Variants in ADGRL3 observed in about 807,000 individuals in gnomAD.
The protein encoded by ADGRL3 is adhesion G protein-coupled receptor L3, also known as calcium-independent alpha-latrotoxin receptor 3.
ADGRL3 carries 62 observed loss-of-function variants against 153.5 expected under a neutral mutation model. That is an observed-to-expected ratio of 0.40 (90% CI 0.33 to 0.50). The LOEUF is 0.50. Ranked by LOEUF, ADGRL3 falls within the 20% of genes least tolerant of loss-of-function variation. The pLI, the probability that ADGRL3 is intolerant of heterozygous loss-of-function variation, is 0.47. For missense variants in ADGRL3, 1,641 were observed against 1,859.4 expected (o/e 0.88, Z 2.16); for synonymous variants, 710 against 672.5 (o/e 1.06, Z -0.86).
intron 2 of ADGRL3, among the ~76,000 whole-genome samples, chr4:61,440,336 C>G (rs1289125284): frequency 1.3e-5 from 2 of 152,220 alleles, no homozygotes; most frequent in African/African-American, 4.8e-5. Context: ...GCGTGAGCCA[C>G]TGCACCCGGC....
intron 2 of ADGRL3, among the ~76,000 whole-genome samples, chr4:61,435,299 A>C (rs1275654428): frequency 6.6e-6 from 1 of 152,122 alleles, no homozygotes; most frequent in Non-Finnish European, 1.5e-5. Flanking sequence ...TAATAGAAGT[A>C]TGTAATTTTT....
chr4:61,205,889 A>G (rs1489863951), intron 1 of ADGRL3, among the ~76,000 whole-genome samples: 1 of 152,174 alleles, frequency 6.6e-6, no homozygotes, highest in Non-Finnish European at 1.5e-5. Context: ...CAAATCTTGA[A>G]TGTCATTACT....
rs796706771 is a variant in ADGRL3 at position 61,478,272 on chromosome 4, T to G, written c.-173-18849T>G. Among the ~76,000 whole-genome samples the G allele has an allele frequency of 2.4e-4, 36 of 152,196 alleles. 4 individuals carry two copies. The highest frequency in any genetic ancestry group is 8.4e-4 in the African/African-American group (35 of 41,568). On this transcript the variant is annotated intron_variant, in intron 2 of 26. Transcript: ENST00000683033. ...AATGTTAAGATATACAAGCTCACAT[T>G]GAGGTATGTGTTTGTTTAAAAGCAT...
intron 4 of ADGRL3, among the ~76,000 whole-genome samples, chr4:61,586,351 A>AT (rs1384453099): frequency 6.6e-6 from 1 of 152,042 alleles, no homozygotes; most frequent in Non-Finnish European, 1.5e-5. Context: ...ACCTTTCAGG[A>AT]TGTCCATGAG....
At chr4:61,814,000 T>C in intron 9 of ADGRL3, 111 bp downstream of exon 9, 3 of 1,352,058 alleles carry the variant, frequency 2.2e-6, no homozygotes, top group Non-Finnish European at 3.0e-6. Flanking sequence ...AAAGCAGGGG[T>C]AAAATGAAGT....
At chr4:61,709,929 T>C (rs749608392) in intron 6 of ADGRL3, among the ~76,000 whole-genome samples, 2 of 152,312 alleles carry the variant, frequency 1.3e-5, no homozygotes, top group Non-Finnish European at 1.5e-5. Context: ...GTGGGTCTCA[T>C]TGACTTTTAC....
chr4:61,251,348 A>G lies in ADGRL3; in HGVS notation c.-240+49583A>G, dbSNP rs144792931. The stretch of plus-strand genomic sequence containing the variant: ...CCATGTGACCTGGACTTCTCCCAGT[A>G]TGACAGCTGTGTTTGGAAAGGGAAC... On this transcript the variant is annotated intron_variant, in intron 1 of 26. Coordinates refer to ENST00000683033, the MANE Select transcript of ADGRL3 (RefSeq NM_001387552.1). 4.9e-4 allele frequency among the ~76,000 whole-genome samples: 74 copies of G among 152,296 alleles called. No individual in the cohort carries two copies. In the East Asian group the frequency reaches 0.012, roughly 25 times the overall value.
intron 12 of ADGRL3, among the ~76,000 whole-genome samples, chr4:61,912,119 G>C (rs1436735146): frequency 6.6e-6 from 1 of 152,104 alleles, no homozygotes; most frequent in African/African-American, 2.4e-5. Flanking sequence ...AATAAAAGCA[G>C]TGATTAATCA....
At chr4:61,868,516 A>G (rs1039784305) in intron 9 of ADGRL3, among the ~76,000 whole-genome samples, 1 of 152,144 alleles carries the variant, frequency 6.6e-6, no homozygotes, top group Non-Finnish European at 1.5e-5. Flanking sequence ...TAACAAACGA[A>G]TGAAAGGAAT....
intron 2 of ADGRL3, among the ~76,000 whole-genome samples, chr4:61,473,518 G>T (rs2097996949): frequency 6.6e-6 from 1 of 151,978 alleles, no homozygotes; most frequent in Non-Finnish European, 1.5e-5. Flanking sequence ...TTAATGACAT[G>T]TGTTTGGACA....
chr4:62,037,150 G>A lies in ADGRL3; in HGVS notation c.3592-581G>A, dbSNP rs559535331. On this transcript the variant is annotated intron_variant, in intron 23 of 26. Transcript: ENST00000683033. ...TTTGAACGTTTGATCTCTTTTAAGA[G>A]AAATAAACTTCAGAGAAATATAGAC... 8.5e-5 allele frequency among the ~76,000 whole-genome samples: 13 copies of A among 152,144 alleles called. No individual in the cohort carries two copies. The East Asian group carries it at 2.3e-3, about 27-fold the overall frequency.
chr4:61,615,273 G>T (rs778163166), intron 5 of ADGRL3, among the ~76,000 whole-genome samples: 1 of 151,986 alleles, frequency 6.6e-6, no homozygotes, highest in Non-Finnish European at 1.5e-5. Flanking sequence ...CCAGTGTTTT[G>T]CTGGGCTTTA....
intron 9 of ADGRL3, among the ~76,000 whole-genome samples, chr4:61,862,546 T>A (rs1321059112): frequency 6.6e-6 from 1 of 152,200 alleles, no homozygotes; most frequent in Non-Finnish European, 1.5e-5. Flanking sequence ...CTCTCACACA[T>A]GTTCCTTGAT....
At chr4:61,888,173 A>G (rs1186901429) in intron 9 of ADGRL3, among the ~76,000 whole-genome samples, 1 of 152,236 alleles carries the variant, frequency 6.6e-6, no homozygotes, top group African/African-American at 2.4e-5. Flanking sequence ...CACAATGAGC[A>G]CAAAAACAGT....
At chr4:61,459,743 A>G (rs962695411) in intron 2 of ADGRL3, among the ~76,000 whole-genome samples, 3 of 152,004 alleles carry the variant, frequency 2.0e-5, no homozygotes, top group African/African-American at 7.2e-5. Context: ...AAGTCATGGT[A>G]ATTGGAATGA....
In ADGRL3 at chr4:61,760,997, A is replaced by G. The variant is rs115015439; in HGVS notation, c.1399+27443A>G. ...GGAGTGCTAATTGGTTAGGTAGGAG[A>G]TGAAATCATAGGGAATTGAAGCTGT... is the stretch of plus-strand genomic sequence containing the variant. On this transcript the variant is annotated intron_variant, in intron 8 of 26. Coordinates refer to ENST00000683033, the MANE Select transcript of ADGRL3 (RefSeq NM_001387552.1). Among the ~76,000 whole-genome samples, 1,423 of 152,246 alleles carry G rather than the reference A, an allele frequency of 9.3e-3. 27 individuals carry two copies. The highest frequency in any genetic ancestry group is 0.032 in the African/African-American group (1,347 of 41,546).
chr4:61,302,902 C>G (rs34973110), intron 1 of ADGRL3, among the ~76,000 whole-genome samples: 11,811 of 152,118 alleles, frequency 0.078, 524 homozygotes, highest in South Asian at 0.11. Flanking sequence ...AAATAAATTT[C>G]ATTGCTTTGC....
chr4:61,631,570 A>G (rs1342576887), intron 5 of ADGRL3, among the ~76,000 whole-genome samples: 1 of 152,100 alleles, frequency 6.6e-6, no homozygotes, highest in Admixed American at 6.6e-5. Flanking sequence ...TTTGCTTATG[A>G]TGTTGCTGAG....
chr4:62,047,937 TAG>T (rs959296771), intron 25 of ADGRL3, among the ~76,000 whole-genome samples: 11 of 152,136 alleles, frequency 7.2e-5, no homozygotes, highest in African/African-American at 2.7e-4. Flanking sequence ...TGGTTGATTA[TAG>T]AGAGTTTCAA....
Sources: gnomAD v4.1 joint callset for allele counts (sites outside exome capture counted in the v4.1 genomes callset) on GRCh38, gnomAD v4.1.1 for gene constraint, MANE v1.5 for transcripts, NCBI Gene and HGNC (gene_info 2026-07-23, HGNC 2026-07-21) for gene names.